EPS15L1: variants seen among roughly 807,000 people sequenced by gnomAD.
The protein encoded by EPS15L1 is epidermal growth factor receptor pathway substrate 15 like 1, also known as epidermal growth factor receptor substrate 15-like 1.
A neutral mutation model predicts 117.1 loss-of-function variants in EPS15L1; 43 were observed. That is an observed-to-expected ratio of 0.37 (90% CI 0.29 to 0.47). The LOEUF (loss-of-function observed/expected upper bound fraction) is 0.47, where lower values mean the gene tolerates loss of function less well. EPS15L1 is among the 20% of genes least tolerant of loss of function. The pLI is 0.99. For synonymous variants in EPS15L1, 459 were observed against 470.5 expected (o/e 0.98, Z 0.32); for missense variants, 981 against 1,164.0 (o/e 0.84, Z 2.29).
intron 7 of EPS15L1, among the ~76,000 whole-genome samples, chr19:16,429,019 C>T (rs2092904792): frequency 6.6e-6 from 1 of 152,124 alleles, no homozygotes; most frequent in African/African-American, 2.4e-5. Context: ...AAAGGCTATA[C>T]TTTAAACTTA....
Position 16,436,984 on chromosome 19 carries a change from G to A in EPS15L1, c.325C>T (p.Pro109Ser). ...GCAGAGGGCGGTGTGACCATCAGAG[G>A]GCTGCTGGTGTCGTGCTGAGAAGAG... is the stretch of plus-strand genomic sequence containing the variant. ...PPPKFHDTSS[P>S]LMVTPPSAEA... The change falls in exon 6 of 24, where the codon CCT becomes TCT. Residue 109 changes from proline to serine, a missense_variant. Pro to Ser is a moderately conservative substitution (Grantham distance 74, BLOSUM62 -1). Around this residue, in one of 5 missense-constraint regions of EPS15L1, gnomAD observed 52 missense variants for 53.1 expected, o/e 0.98. Coordinates refer to ENST00000455140, the MANE Select transcript of EPS15L1 (RefSeq NM_001258374.3). The A allele has an allele frequency of 1.2e-6, 2 of 1,613,968 alleles. No individual in the cohort carries two copies. Among genetic ancestry groups the A allele is most frequent in the Non-Finnish European group, 1.7e-6 (2 of 1,179,858 alleles).
chr19:16,463,045 GC>G (rs1432231969), intron 1 of EPS15L1, among the ~76,000 whole-genome samples: 1 of 152,158 alleles, frequency 6.6e-6, no homozygotes, highest in Non-Finnish European at 1.5e-5. Context: ...GGAGGGTGGG[GC>G]TCGGTTTTAT....
At chr19:16,409,060 C>CA (rs1419641748) in intron 13 of EPS15L1, among the ~76,000 whole-genome samples, 2 of 151,110 alleles carry the variant, frequency 1.3e-5, no homozygotes, top group Admixed American at 6.6e-5. Context: ...TGTCTCTTAA[C>CA]AAAAAAAAAT....
At chr19:16,470,102 C>A (rs2093335681) in intron 1 of EPS15L1, among the ~76,000 whole-genome samples, 1 of 152,152 alleles carries the variant, frequency 6.6e-6, no homozygotes, top group Admixed American at 6.5e-5. Context: ...AGTGACCTGG[C>A]CAGGCGCAGT....
chr19:16,421,585 A>C, intron 9 of EPS15L1, 109 bp from the exon 10 acceptor site: 1 of 1,182,406 alleles, frequency 8.5e-7, no homozygotes, highest in Non-Finnish European at 1.2e-6. Flanking sequence ...ATTTGGCATC[A>C]AACTCTCCTC....
intron 22 of EPS15L1, among the ~76,000 whole-genome samples, chr19:16,362,587 A>G (rs1391096551): frequency 7.1e-6 from 1 of 141,174 alleles, no homozygotes; most frequent in African/African-American, 2.7e-5. Context: ...GCAGTGGTGC[A>G]ATCATGGCTT....
intron 16 of EPS15L1, among the ~76,000 whole-genome samples, chr19:16,399,874 T>C (rs1031899337): frequency 1.3e-5 from 2 of 152,134 alleles, no homozygotes; most frequent in Non-Finnish European, 2.9e-5. Flanking sequence ...GGCTCCAGCA[T>C]GCCACTGGGT....
chr19:16,380,862 G>C (rs2092353718), intron 21 of EPS15L1, among the ~76,000 whole-genome samples: 1 of 152,248 alleles, frequency 6.6e-6, no homozygotes, highest in Admixed American at 6.5e-5. Flanking sequence ...CTAGCATCTA[G>C]TTACAGAGAT....
At chr19:16,419,632 A>C (rs2144936250) in intron 10 of EPS15L1, among the ~76,000 whole-genome samples, 1 of 152,292 alleles carries the variant, frequency 6.6e-6, no homozygotes, top group South Asian at 2.1e-4. Flanking sequence ...TTACAACAGA[A>C]GTTTCCCCTT....
At chr19:16,385,239 T>C in intron 20 of EPS15L1, 28 bp from the exon 21 acceptor site, 1 of 1,591,858 alleles carries the variant, frequency 6.3e-7, no homozygotes. Flanking sequence ...AAAGTCAGAG[T>C]TACAGGTCTT....
At chr19:16,413,176 C>A in intron 13 of EPS15L1, 1 of 659,816 alleles carries the variant, frequency 1.5e-6, no homozygotes, top group East Asian at 2.9e-5. Flanking sequence ...GCCAAGCTCT[C>A]CATTGTCCCC....
intron 1 of EPS15L1, among the ~76,000 whole-genome samples, chr19:16,450,462 A>C (rs964405334): frequency 2.7e-5 from 4 of 145,966 alleles, no homozygotes; most frequent in African/African-American, 7.6e-5. Flanking sequence ...CGTGAGCCCC[A>C]GGCATGTCCA....
intron 1 of EPS15L1, 78 bp from the exon 2 acceptor site, chr19:16,442,297 G>A (rs2093040066): frequency 8.9e-7 from 1 of 1,118,660 alleles, no homozygotes; most frequent in African/African-American, 1.6e-5. Context: ...CCTCAATTTT[G>A]TCATGACCAA....
In EPS15L1 at chr19:16,401,909, T is replaced by C. The variant is rs927089269; in HGVS notation, c.1791+412A>G. On this transcript the variant is annotated intron_variant, in intron 16 of 23. Coordinates refer to ENST00000455140, the MANE Select transcript of EPS15L1 (RefSeq NM_001258374.3). ...AAGGTGTTCCTTGTGGAAACACACA[T>C]ACACATAGACACATGCCCCTCAGAT... The C allele has an allele frequency of 6.0e-6, 6 of 997,614 alleles. No homozygotes were observed. The Admixed American group carries it at 1.8e-4, about 29-fold the overall frequency. The allele number at this position is 997,614 out of a possible 1,614,324, so 61.8% of individuals were successfully genotyped here.
chr19:16,376,751 G>C (rs2092300978), intron 22 of EPS15L1, among the ~76,000 whole-genome samples: 1 of 152,266 alleles, frequency 6.6e-6, no homozygotes, highest in Admixed American at 6.5e-5. Context: ...GTGGCCACAG[G>C]GCTGCCGGCC....
intron 1 of EPS15L1, among the ~76,000 whole-genome samples, chr19:16,468,041 T>A (rs1364281880): frequency 6.6e-6 from 1 of 152,052 alleles, no homozygotes; most frequent in Non-Finnish European, 1.5e-5. Context: ...CCCAGGGCAG[T>A]CTCTCCTCAT....
chr19:16,463,901 G>A (rs2093276188), intron 1 of EPS15L1, among the ~76,000 whole-genome samples: 1 of 152,230 alleles, frequency 6.6e-6, no homozygotes, highest in Admixed American at 6.5e-5. Context: ...GCATTCCAGA[G>A]AGAGGGAATA....
rs1157797459 is a variant in EPS15L1 at position 16,392,379 on chromosome 19, G to A, written c.2028C>T (p.Asp676=). 1 of 1,614,056 alleles carries A rather than the reference G, an allele frequency of 6.2e-7. No individual in the cohort carries two copies. The highest frequency in any genetic ancestry group is 2.2e-5 in the East Asian group (1 of 44,898). ...SDPFRGSATD[D]FFKKQTKNDP... ...CATTCTTTGTCTGTTTCTTGAAGAA[G>A]TCGTCAGTGGCAGAGCCACGGAATG... Residue 676 remains aspartate (D), a synonymous_variant, in exon 19 of 24, where the codon GAC becomes GAT. Transcript: ENST00000455140.
At position 16,371,723 on chromosome 19, in the gene EPS15L1, G is replaced by C. The variant is rs2092227744; in HGVS notation, c.2380+5399C>G. ...GATCCCACTATCGCAGCAGGGCTGA[G>C]GCCCAATCACTGACACCCACACAGC... On this transcript the variant is annotated intron_variant, in intron 22 of 23. Coordinates refer to ENST00000455140, the MANE Select transcript of EPS15L1 (RefSeq NM_001258374.3). The surrounding 1 kb of genome is among the most constrained non-coding windows in gnomAD (Gnocchi z 4.7). 6.6e-6 allele frequency among the ~76,000 whole-genome samples: 1 copy of C among 152,086 alleles called. No individual in the cohort carries two copies. Among genetic ancestry groups the C allele is most frequent in the Middle Eastern group, 3.2e-3 (1 of 316 alleles).
Sources: allele counts gnomAD v4.1 joint callset (sites outside exome capture counted in the v4.1 genomes callset), GRCh38; gene constraint gnomAD v4.1.1; regional missense constraint gnomAD v4.1.1; non-coding constraint Gnocchi (gnomAD v3.1); transcripts MANE v1.5; gene names NCBI Gene and HGNC (gene_info 2026-07-23, HGNC 2026-07-21).